Variants in PTGER2 observed in about 807,000 individuals in gnomAD.
PTGER2 encodes prostaglandin E2 receptor EP2 subtype.
Under a neutral mutation model 26.2 loss-of-function variants are expected in PTGER2, and 22 were observed. The ratio of observed to expected loss-of-function variants is 0.84; its 90% CI spans 0.60 to 1.20. The LOEUF is 1.20. PTGER2 is among the 50% of genes most tolerant of loss of function. PTGER2 has a pLI of 0.00. For synonymous variants in PTGER2, 219 were observed against 208.9 expected (o/e 1.05, Z -0.42); for missense variants, 458 against 475.2 (o/e 0.96, Z 0.34).
chr14:52,322,158 C>T (rs758747714), intron 1 of PTGER2, among the ~76,000 whole-genome samples: 6 of 151,982 alleles, frequency 3.9e-5, no homozygotes, highest in East Asian at 1.9e-4. Context: ...AAGTGTTGGC[C>T]GGCTGAGAAA....
Position 52,314,603 on chromosome 14 carries a change from C to T in PTGER2, c.55C>T (p.Leu19Phe). 1 of 1,510,208 alleles carries T rather than the reference C, an allele frequency of 6.6e-7. No individual in the cohort carries two copies. Among genetic ancestry groups the T allele is most frequent in the South Asian group, 1.3e-5 (1 of 74,726 alleles). 93.6% of individuals were successfully genotyped at this position (1,510,208 alleles called of 1,614,324 possible). Residue 19 changes from leucine to phenylalanine, a missense_variant, in exon 1 of 2, where the codon CTT becomes TTT. Leu to Phe is a conservative substitution (Grantham distance 22). Transcript: ENST00000245457. This position sits in a 1 kb window ranked among gnomAD's most constrained non-coding sequence, Gnocchi z 5.7. ...QSEDCETRQW[L>F]PPGESPAISS... ...TGAGGACTGCGAGACGCGACAGTGG[C>T]TTCCCCCAGGCGAAAGCCCAGCCAT...
intron 1 of PTGER2, among the ~76,000 whole-genome samples, chr14:52,315,820 A>T (rs980462703): frequency 6.6e-6 from 1 of 152,118 alleles, no homozygotes; most frequent in African/African-American, 2.4e-5. Flanking sequence ...CCTCTCATCC[A>T]CTGGTGCTGG....
chr14:52,322,491 G>A (rs940058850), intron 1 of PTGER2, among the ~76,000 whole-genome samples: 1 of 152,172 alleles, frequency 6.6e-6, no homozygotes, highest in Admixed American at 6.5e-5. Flanking sequence ...TTACTGATAA[G>A]GGTCTATGTT....
chr14:52,314,390 G>C lies in PTGER2; in HGVS notation c.-159G>C. ...ACTCGGCGCGCGGCGGGAGACCCAG[G>C]GCAAGCCGCCGTCGGCGCGCTGGGT... On this transcript the variant is annotated 5_prime_UTR_variant, in exon 1 of 2. Coordinates refer to ENST00000245457, the MANE Select transcript of PTGER2 (RefSeq NM_000956.4). This position sits in a 1 kb window ranked among gnomAD's most constrained non-coding sequence, Gnocchi z 5.7. 1 of 888,998 alleles carries C rather than the reference G, an allele frequency of 1.1e-6. No homozygotes were observed. The highest frequency in any genetic ancestry group is 1.5e-6 in the Non-Finnish European group (1 of 671,464). 55.1% of individuals were successfully genotyped at this position (888,998 alleles called of 1,614,324 possible).
rs1212174180 is a variant in PTGER2, at chr14:52,314,324, G to C, written c.-225G>C. ...GGCCTTGGCCGGCGCGGGTAGGCGCGGGAGCCTCGAGCGCCGCTCGGATGC... is the reference window on the plus strand; with the variant it reads ...GGCCTTGGCCGGCGCGGGTAGGCGCCGGAGCCTCGAGCGCCGCTCGGATGC... On this transcript the variant is annotated 5_prime_UTR_variant, in exon 1 of 2. Coordinates refer to ENST00000245457, the MANE Select transcript of PTGER2 (RefSeq NM_000956.4). This position sits in a 1 kb window ranked among gnomAD's most constrained non-coding sequence, Gnocchi z 5.7. 2.6e-6 allele frequency: 1 copy of C among 388,902 alleles called. No homozygotes were observed. Among genetic ancestry groups the C allele is most frequent in the Non-Finnish European group, 4.3e-6 (1 of 232,214 alleles). 24.1% of individuals were successfully genotyped at this position (388,902 alleles called of 1,614,324 possible).
intron 1 of PTGER2, among the ~76,000 whole-genome samples, chr14:52,323,017 A>T (rs1004746975): frequency 3.3e-5 from 5 of 152,236 alleles, no homozygotes; most frequent in Admixed American, 3.3e-4. Flanking sequence ...GGTGACGTAC[A>T]TCCTCAGCTT....
At chr14:52,326,522 C>G (rs1290456307) in intron 1 of PTGER2, among the ~76,000 whole-genome samples, 1 of 152,072 alleles carries the variant, frequency 6.6e-6, no homozygotes, top group African/African-American at 2.4e-5. Context: ...ATTATTATCA[C>G]CCATTTTAAA....
intron 1 of PTGER2, among the ~76,000 whole-genome samples, chr14:52,318,300 T>C (rs978043418): frequency 2.0e-5 from 3 of 152,176 alleles, no homozygotes; most frequent in Non-Finnish European, 2.9e-5. Flanking sequence ...CATGATCTGA[T>C]AGAAATACAG....
intron 1 of PTGER2, 83 bp from the exon 2 acceptor site, chr14:52,327,138 A>G: frequency 1.9e-6 from 2 of 1,036,130 alleles, no homozygotes; most frequent in Non-Finnish European, 1.4e-6. Context: ...TTGCTTTTAA[A>G]TCTCAAGACA....
intron 1 of PTGER2, among the ~76,000 whole-genome samples, chr14:52,323,641 A>G (rs1401768150): frequency 1.3e-5 from 2 of 152,250 alleles, no homozygotes; most frequent in Non-Finnish European, 2.9e-5. Flanking sequence ...TTGTAATTGC[A>G]TTAAAGATAG....
intron 1 of PTGER2, among the ~76,000 whole-genome samples, chr14:52,321,479 G>C (rs1045510031): frequency 6.6e-6 from 1 of 151,712 alleles, no homozygotes; most frequent in Non-Finnish European, 1.5e-5. Flanking sequence ...CTTTTGAAGA[G>C]AAATCTTTGA....
intron 1 of PTGER2, among the ~76,000 whole-genome samples, chr14:52,317,899 T>G (rs532556595): frequency 1.1e-4 from 17 of 152,368 alleles, no homozygotes; most frequent in African/African-American, 4.1e-4. Flanking sequence ...AAATTTATAT[T>G]GACCACTGAT....
At chr14:52,318,829 C>G (rs950387721) in intron 1 of PTGER2, among the ~76,000 whole-genome samples, 1 of 152,188 alleles carries the variant, frequency 6.6e-6, no homozygotes, top group Non-Finnish European at 1.5e-5. Flanking sequence ...AAGGCCCAGT[C>G]CCTTCAAGTG....
chr14:52,327,570 G>A lies in PTGER2; in HGVS notation c.*116G>A, dbSNP rs1348702134. 4.8e-6 allele frequency: 4 copies of A among 828,836 alleles called. No homozygotes were observed. 51.3% of individuals were successfully genotyped at this position (828,836 alleles called of 1,614,324 possible). On this transcript the variant is annotated 3_prime_UTR_variant, in exon 2 of 2. Transcript: ENST00000245457. ...AATGAAGCTGCCCTAATAAAAAGGA[G>A]TATACAAACATTTAAGCTGTGGTCA...
chr14:52,314,913 C>T lies in PTGER2; in HGVS notation c.365C>T (p.Ala122Val), dbSNP rs1436933333. The part of the protein sequence containing the change: ...FAFAMTFFSL[A>V]TMLMLFAMAL... Reference sequence around the variant, plus strand: ...TTCGCCATGACCTTCTTCAGCCTGGCCACGATGCTCATGCTCTTCGCCATG... The same window carrying T: ...TTCGCCATGACCTTCTTCAGCCTGGTCACGATGCTCATGCTCTTCGCCATG... The change falls in exon 1 of 2, where the codon GCC becomes GTC. Residue 122 changes from alanine (A) to valine (V), a missense_variant. Physicochemically the swap from Ala to Val is moderately conservative, Grantham distance 64. Coordinates refer to ENST00000245457, the MANE Select transcript of PTGER2 (RefSeq NM_000956.4). The surrounding 1 kb of genome is among the most constrained non-coding windows in gnomAD (Gnocchi z 5.7). 48 of 1,612,580 alleles carry T rather than the reference C, an allele frequency of 3.0e-5. No individual in the cohort carries two copies. The highest frequency in any genetic ancestry group is 4.1e-5 in the Non-Finnish European group (48 of 1,179,644).
chr14:52,316,892 T>TC (rs1382535700), intron 1 of PTGER2, among the ~76,000 whole-genome samples: 11 of 152,208 alleles, frequency 7.2e-5, no homozygotes, highest in African/African-American at 2.7e-4. Context: ...AGGCTGCATC[T>TC]CCCATACCAC....
At chr14:52,315,478 A>G in intron 1 of PTGER2, 87 bp downstream of exon 1, 1 of 1,522,056 alleles carries the variant, frequency 6.6e-7, no homozygotes, top group South Asian at 1.2e-5. Context: ...CCACCGCCCT[A>G]CAAACTTTTT....
Position 52,327,346 on chromosome 14 carries a change from G to A in PTGER2, c.969G>A (p.Leu323=). 1 of 1,613,250 alleles carries A rather than the reference G, an allele frequency of 6.2e-7. No individual in the cohort carries two copies. Among genetic ancestry groups the A allele is most frequent in the African/African-American group, 1.3e-5 (1 of 75,012 alleles). ...TTGCCATCCTTAGGCCTCCTGTTCT[G>A]AGACTAATGCGTTCAGTCCTCTGTT... is the stretch of plus-strand genomic sequence containing the variant. ...WVFAILRPPV[L]RLMRSVLCCR... Residue 323 remains leucine, a synonymous_variant, in exon 2 of 2, where the codon CTG becomes CTA. Coordinates refer to ENST00000245457, the MANE Select transcript of PTGER2 (RefSeq NM_000956.4).
At chr14:52,325,578 AT>A (rs1484188099) in intron 1 of PTGER2, among the ~76,000 whole-genome samples, 6 of 152,306 alleles carry the variant, frequency 3.9e-5, no homozygotes, top group African/African-American at 1.4e-4. Flanking sequence ...ATTATCCTGA[AT>A]TTCTTACCTC....
Sources: allele counts gnomAD v4.1 joint callset (sites outside exome capture counted in the v4.1 genomes callset), GRCh38; gene constraint gnomAD v4.1.1; non-coding constraint Gnocchi (gnomAD v3.1); transcripts MANE v1.5; gene names NCBI Gene and HGNC (gene_info 2026-07-23, HGNC 2026-07-21).